The following FOXO1 variants were observed in gnomAD, a reference collection of about 807,000 sequenced individuals.
FOXO1 encodes the protein forkhead box O1.
Under a neutral mutation model 44.1 loss-of-function variants are expected in FOXO1, and 6 were observed. That is an observed-to-expected ratio of 0.14 (90% confidence interval 0.07 to 0.27). The LOEUF (loss-of-function observed/expected upper bound fraction) is 0.27, where lower values mean the gene tolerates loss of function less well. FOXO1 is among the 10% of genes least tolerant of loss of function. The pLI is 1.00. For missense variants in FOXO1, 737 were observed against 888.8 expected (o/e 0.83, Z 2.17); for synonymous variants, 380 against 362.7 (o/e 1.05, Z -0.54).
intron 1 of FOXO1, among the ~76,000 whole-genome samples, chr13:40,581,153 G>GA (rs1330779839): frequency 1.3e-5 from 2 of 152,168 alleles, no homozygotes; most frequent in Non-Finnish European, 2.9e-5. Flanking sequence ...GAGCATCACT[G>GA]AAAATCTGGC....
At chr13:40,580,939 G>C (rs897851059) in intron 1 of FOXO1, among the ~76,000 whole-genome samples, 2 of 152,140 alleles carry the variant, frequency 1.3e-5, no homozygotes, top group Non-Finnish European at 2.9e-5. Flanking sequence ...CTTAGCCTTC[G>C]CCTACACACT....
chr13:40,559,757 G>A lies in FOXO1; in HGVS notation c.1734C>T (p.Tyr578=). 5 of 1,613,348 alleles carry A rather than the reference G, an allele frequency of 3.1e-6. No homozygotes were observed. Among genetic ancestry groups the A allele is most frequent in the Non-Finnish European group, 4.2e-6 (5 of 1,179,532 alleles). ...HPMQMSALGG[Y]SSVSSCNGYG... The stretch of plus-strand genomic sequence containing the variant: ...AGCCATTGCAGCTGCTCACGGAGGA[G>A]TAGCCCCCCAGGGCACTCATCTGCA... Residue 578 remains tyrosine, a synonymous_variant, in exon 2 of 3, where the codon TAC becomes TAT. Transcript: ENST00000379561.
At chr13:40,562,182 G>A (rs558141464) in intron 1 of FOXO1, among the ~76,000 whole-genome samples, 17 of 152,258 alleles carry the variant, frequency 1.1e-4, no homozygotes, top group Non-Finnish European at 1.8e-4. Flanking sequence ...AGTAGTATGA[G>A]CAGGATGCAC....
intron 1 of FOXO1, among the ~76,000 whole-genome samples, chr13:40,585,881 G>A (rs932308751): frequency 3.3e-5 from 5 of 152,198 alleles, no homozygotes; most frequent in Non-Finnish European, 4.4e-5. Flanking sequence ...GATTTAGTAC[G>A]TAAGTTTAAC....
intron 1 of FOXO1, among the ~76,000 whole-genome samples, chr13:40,569,052 C>T (rs998104388): frequency 2.0e-5 from 3 of 152,194 alleles, no homozygotes; most frequent in African/African-American, 7.2e-5. Context: ...GGTCTCAAAC[C>T]GCTATAGACA....
At chr13:40,623,311 T>G (rs1876679711) in intron 1 of FOXO1, among the ~76,000 whole-genome samples, 1 of 152,240 alleles carries the variant, frequency 6.6e-6, no homozygotes, top group South Asian at 2.1e-4. Flanking sequence ...GGGGCATTAG[T>G]TATTACTGTT....
At chr13:40,612,807 T>C (rs988544498) in intron 1 of FOXO1, among the ~76,000 whole-genome samples, 1 of 152,200 alleles carries the variant, frequency 6.6e-6, no homozygotes, top group Admixed American at 6.5e-5. Context: ...GCCTAATGTA[T>C]AACTATCATA....
At position 40,612,488 on chromosome 13, in the gene FOXO1, C is replaced by T. The variant is rs1738523511; in HGVS notation, c.631-51628G>A. On this transcript the variant is annotated intron_variant, in intron 1 of 2. Coordinates refer to ENST00000379561, the MANE Select transcript of FOXO1 (RefSeq NM_002015.4). ...CTTGTGTGTGTGTTACACATATGTA[C>T]GTATACACACACGTGCGTTCGCAAG... 2.6e-5 allele frequency among the ~76,000 whole-genome samples: 4 copies of T among 152,144 alleles called. No individual in the cohort carries two copies. In the South Asian group the frequency reaches 6.2e-4, roughly 24 times the overall value.
At chr13:40,637,451 A>C (rs1877199795) in intron 1 of FOXO1, among the ~76,000 whole-genome samples, 1 of 150,900 alleles carries the variant, frequency 6.6e-6, no homozygotes. Context: ...CACAAAAAAA[A>C]AAAAAAAAAA....
At chr13:40,619,117 C>G (rs561063147) in intron 1 of FOXO1, 8 of 373,406 alleles carry the variant, frequency 2.1e-5, no homozygotes, top group African/African-American at 1.7e-4. Context: ...AACCCCATCT[C>G]TACTAAACAG....
intron 1 of FOXO1, among the ~76,000 whole-genome samples, chr13:40,658,538 A>G (rs953234711): frequency 1.3e-5 from 2 of 152,222 alleles, no homozygotes; most frequent in African/African-American, 4.8e-5. Flanking sequence ...ACAAGGCAAC[A>G]GAGAGTAAGT....
intron 1 of FOXO1, among the ~76,000 whole-genome samples, chr13:40,644,999 G>A (rs1010687607): frequency 6.6e-6 from 1 of 152,180 alleles, no homozygotes; most frequent in African/African-American, 2.4e-5. Context: ...CGACAGAGTC[G>A]AGACAACACT....
At chr13:40,627,835 A>C (rs1876835179) in intron 1 of FOXO1, among the ~76,000 whole-genome samples, 2 of 151,868 alleles carry the variant, frequency 1.3e-5, no homozygotes, top group African/African-American at 4.8e-5. Flanking sequence ...TCCGGCTAAA[A>C]AAAAAAAAAA....
At chr13:40,631,526 C>T (rs1876962740) in intron 1 of FOXO1, among the ~76,000 whole-genome samples, 1 of 152,156 alleles carries the variant, frequency 6.6e-6, no homozygotes, top group Non-Finnish European at 1.5e-5. Flanking sequence ...TCCATATTCA[C>T]AGCAGTACTA....
In FOXO1 at chr13:40,558,859, A is replaced by T. The variant is rs774099661; in HGVS notation, c.*190T>A. 5.0e-6 allele frequency: 2 copies of T among 398,766 alleles called. No homozygotes were observed. Among genetic ancestry groups the T allele is most frequent in the East Asian group, 7.1e-5 (2 of 28,046 alleles). The allele number at this position is 398,766 out of a possible 1,614,324, so 24.7% of individuals were successfully genotyped here. On this transcript the variant is annotated 3_prime_UTR_variant, in exon 3 of 3. Coordinates refer to ENST00000379561, the MANE Select transcript of FOXO1 (RefSeq NM_002015.4). ...CATAACCTGCACACATTGGGCAAAC[A>T]TCCTGTACAGGAAAAATGTCTTTGC...
intron 1 of FOXO1, among the ~76,000 whole-genome samples, chr13:40,662,037 G>A (rs546710992): frequency 9.0e-4 from 136 of 151,718 alleles, no homozygotes; most frequent in African/African-American, 3.1e-3. Flanking sequence ...CAAGCATGGT[G>A]GCACGTGCCA....
rs766009568 is a variant in FOXO1, at chr13:40,610,980, T to C, written c.631-50120A>G. 33 of 448,610 alleles carry C rather than the reference T, an allele frequency of 7.4e-5. 1 individual carries two copies. The highest frequency in any genetic ancestry group is 1.7e-4 in the South Asian group (11 of 63,068). The allele number at this position is 448,610 out of a possible 1,614,324, so 27.8% of individuals were successfully genotyped here. A position where few individuals can be genotyped will look rare whatever the true frequency, so the allele number is the denominator to read the frequency against. On this transcript the variant is annotated intron_variant, in intron 1 of 2. Transcript: ENST00000379561. ...AGGCCTTAAAAACCACATGTATCTATACACATACATCTACATAAATTCCAG... is the reference window on the plus strand; with the variant it reads ...AGGCCTTAAAAACCACATGTATCTACACACATACATCTACATAAATTCCAG...
At chr13:40,643,488 T>C (rs533237615) in intron 1 of FOXO1, among the ~76,000 whole-genome samples, 1 of 152,278 alleles carries the variant, frequency 6.6e-6, no homozygotes, top group South Asian at 2.1e-4. Flanking sequence ...CTTCACATAA[T>C]TGAAATCAGT....
intron 1 of FOXO1, among the ~76,000 whole-genome samples, chr13:40,595,885 A>G (rs1875558807): frequency 6.6e-6 from 1 of 151,324 alleles, no homozygotes. Flanking sequence ...AAACAGTGAC[A>G]TGTGAGTCTC....
Sources: allele counts gnomAD v4.1 joint callset (sites outside exome capture counted in the v4.1 genomes callset), GRCh38; gene constraint gnomAD v4.1.1; transcripts MANE v1.5; gene names NCBI Gene and HGNC (gene_info 2026-07-23, HGNC 2026-07-21).